The following PTGR3 variants were observed in gnomAD, a reference collection of about 807,000 sequenced individuals.
PTGR3 encodes prostaglandin reductase 3, also known as zinc binding alcohol dehydrogenase domain containing 2.
chr18:75,202,311 T>C, the PTGR3 span: 14 of 1,613,066 alleles, frequency 8.7e-6, no homozygotes, highest in Non-Finnish European at 5.9e-6. Context: ...TGCTGAATAG[T>C]TGATGTCAGA....
At chr18:75,205,542 T>A in the PTGR3 span, 1 of 963,418 alleles carries the variant, frequency 1.0e-6, no homozygotes, top group Admixed American at 6.2e-5. Flanking sequence ...CCAGCTTATA[T>A]GTACTTAAAA....
the PTGR3 span, chr18:75,195,892 T>G: frequency 1.3e-5 from 2 of 152,046 alleles, no homozygotes; most frequent in Non-Finnish European, 2.9e-5. Context: ...TCAGTCTGGG[T>G]GACAGAGCAA....
At chr18:75,200,144 C>T in the PTGR3 span, 1 of 152,156 alleles carries the variant, frequency 6.6e-6, no homozygotes, top group Non-Finnish European at 1.5e-5. Context: ...GTGGGCTTCA[C>T]CTTCAATCAG....
At chr18:75,207,985 CA>C in the PTGR3 span, among the ~76,000 whole-genome samples, 4,117 of 152,304 alleles carry the variant, frequency 0.027, 188 homozygotes, top group African/African-American at 0.095. Context: ...GTCGGGCAGC[CA>C]GGGACCCACG....
At chr18:75,207,187 C>G in the PTGR3 span, among the ~76,000 whole-genome samples, 2 of 152,234 alleles carry the variant, frequency 1.3e-5, no homozygotes, top group African/African-American at 2.4e-5. Context: ...TCTCTAACGC[C>G]TCACCTTCCC....
At chr18:75,203,821 C>T in the PTGR3 span, among the ~76,000 whole-genome samples, 3 of 152,020 alleles carry the variant, frequency 2.0e-5, no homozygotes, top group African/African-American at 7.3e-5. Context: ...TTACATAATT[C>T]TCAAGGCCTG....
the PTGR3 span, among the ~76,000 whole-genome samples, chr18:75,203,101 C>T: frequency 1.3e-5 from 2 of 152,126 alleles, no homozygotes; most frequent in African/African-American, 4.8e-5. Context: ...GAAAGCAAAT[C>T]GTTACTATAT....
chr18:75,208,643 T>A, the PTGR3 span, among the ~76,000 whole-genome samples: 2 of 152,146 alleles, frequency 1.3e-5, no homozygotes, highest in Non-Finnish European at 2.9e-5. Flanking sequence ...TGGCATCGGA[T>A]ATTCACACCA....
At chr18:75,205,383 C>A in the PTGR3 span, 1 of 985,706 alleles carries the variant, frequency 1.0e-6, no homozygotes, top group Non-Finnish European at 1.2e-6. Flanking sequence ...CCCCACCCCC[C>A]CTTTAATTGA....
the PTGR3 span, chr18:75,208,486 T>G: frequency 9.7e-7 from 1 of 1,030,302 alleles, no homozygotes; most frequent in Non-Finnish European, 1.2e-6. Context: ...ACGCAGGAAC[T>G]GTGGGTGCGC....
chr18:75,205,397 T>C, the PTGR3 span: 7 of 978,444 alleles, frequency 7.2e-6, no homozygotes, highest in Non-Finnish European at 7.3e-6. Context: ...TAATTGAAAC[T>C]GTGTGCATGC....
At chr18:75,202,200 A>G in the PTGR3 span, 1 of 1,614,016 alleles carries the variant, frequency 6.2e-7, no homozygotes. Context: ...AGCTTGGCCA[A>G]CTGTGTATCT....
the PTGR3 span, among the ~76,000 whole-genome samples, chr18:75,206,306 G>T: frequency 6.6e-6 from 1 of 152,140 alleles, no homozygotes; most frequent in Non-Finnish European, 1.5e-5. Flanking sequence ...AAGATGCAAT[G>T]AAATGTGCAA....
the PTGR3 span, among the ~76,000 whole-genome samples, chr18:75,203,535 G>A: frequency 6.6e-6 from 1 of 152,134 alleles, no homozygotes; most frequent in Non-Finnish European, 1.5e-5. Flanking sequence ...TGTATCTACA[G>A]GACAGAAAAG....
the PTGR3 span, chr18:75,201,954 T>C: frequency 1.2e-6 from 2 of 1,614,268 alleles, no homozygotes; most frequent in Non-Finnish European, 1.7e-6. Flanking sequence ...TCCAATTACA[T>C]GGCACTTTGC....
chr18:75,201,796 T>C, the PTGR3 span: 1 of 1,614,212 alleles, frequency 6.2e-7, no homozygotes, highest in Admixed American at 1.7e-5. Flanking sequence ...AAGTCAAACA[T>C]GGCTCCCCCA....
the PTGR3 span, among the ~76,000 whole-genome samples, chr18:75,206,044 T>G: frequency 6.6e-6 from 1 of 152,232 alleles, no homozygotes; most frequent in Admixed American, 6.5e-5. Flanking sequence ...TAAACTGATT[T>G]AACCTGGGGA....
the PTGR3 span, chr18:75,198,313 G>C: frequency 6.6e-6 from 1 of 152,176 alleles, no homozygotes; most frequent in East Asian, 1.9e-4. Flanking sequence ...TGTTCCTCAA[G>C]TACATAATGC....
the PTGR3 span, chr18:75,201,546 C>T: frequency 6.2e-7 from 1 of 1,614,148 alleles, no homozygotes; most frequent in Non-Finnish European, 8.5e-7. Context: ...AGACAGATCT[C>T]CAAGGTCCAC....
Sources: gnomAD v4.1 joint callset for allele counts (sites outside exome capture counted in the v4.1 genomes callset) on GRCh38, gnomAD v4.1.1 for gene constraint, MANE v1.5 for transcripts, NCBI Gene and HGNC (gene_info 2026-07-23, HGNC 2026-07-21) for gene names.